Variants in GABRA3 observed in about 807,000 individuals in gnomAD.
GABRA3 encodes the protein gamma-aminobutyric acid receptor subunit alpha-3.
GABRA3 carries 10 observed loss-of-function variants against 30.1 expected under a neutral mutation model. The observed-to-expected ratio is 0.33, with a 90% CI of 0.20 to 0.56. GABRA3 has a LOEUF of 0.56. GABRA3 is among the 20% of genes least tolerant of loss of function. The pLI is 0.89. For missense variants in GABRA3, 233 were observed against 392.0 expected (o/e 0.59, Z 3.42); for synonymous variants, 151 against 146.8 (o/e 1.03, Z -0.21).
intron 1 of GABRA3, among the ~76,000 whole-genome samples, chrX:152,386,444 T>G (rs1929312698): frequency 9.0e-6 from 1 of 110,688 alleles, no homozygotes; most frequent in African/African-American, 3.3e-5. Context: ...CTCAAACAAA[T>G]TTACAAGAAA....
intron 3 of GABRA3, among the ~76,000 whole-genome samples, chrX:152,332,695 C>T (rs1940181665): frequency 8.9e-6 from 1 of 111,907 alleles, no homozygotes; most frequent in Non-Finnish European, 1.9e-5. Flanking sequence ...GGTCTGCCTG[C>T]CTGTAAAAGC....
intron 1 of GABRA3, among the ~76,000 whole-genome samples, chrX:152,365,590 C>A (rs1407480421): frequency 9.0e-6 from 1 of 111,433 alleles, no homozygotes; most frequent in Non-Finnish European, 1.9e-5. Context: ...TAACTCTGAC[C>A]CAACAACATA....
At chrX:152,333,693 T>C (rs1940194450) in intron 3 of GABRA3, among the ~76,000 whole-genome samples, 2 of 111,611 alleles carry the variant, frequency 1.8e-5, no homozygotes, top group Non-Finnish European at 1.9e-5. Context: ...TCTCAAGGCA[T>C]AGATCAAGCA....
At chrX:152,241,114 C>T (rs1485869876) in intron 5 of GABRA3, among the ~76,000 whole-genome samples, 3 of 105,997 alleles carry the variant, frequency 2.8e-5, no homozygotes, top group Admixed American at 1.0e-4. Flanking sequence ...CTGTTTTTTC[C>T]CCATCTTTGT....
intron 3 of GABRA3, among the ~76,000 whole-genome samples, chrX:152,318,759 CTT>C (rs1188145125): frequency 4.5e-5 from 5 of 111,464 alleles, no homozygotes; most frequent in African/African-American, 6.5e-5. Flanking sequence ...GAAAAAGTGT[CTT>C]TATTTATGCG....
intron 4 of GABRA3, among the ~76,000 whole-genome samples, chrX:152,277,487 C>T (rs994174350): frequency 9.0e-6 from 1 of 110,884 alleles, no homozygotes; most frequent in African/African-American, 3.3e-5. Context: ...CCCTGATTAT[C>T]CACTGTATAC....
chrX:152,446,544 C>T (rs1162733680), intron 1 of GABRA3, among the ~76,000 whole-genome samples: 1 of 108,418 alleles, frequency 9.2e-6, no homozygotes, highest in Non-Finnish European at 1.9e-5. Flanking sequence ...TCATTGTTCT[C>T]TCCCATATCC....
intron 1 of GABRA3, among the ~76,000 whole-genome samples, chrX:152,383,167 A>T (rs986719720): frequency 9.1e-6 from 1 of 109,307 alleles, no homozygotes; most frequent in Non-Finnish European, 1.9e-5. Context: ...CAGGCAGATC[A>T]TGAGGTCAGG....
chrX:152,278,240 C>A (rs1939125824), intron 4 of GABRA3, among the ~76,000 whole-genome samples: 1 of 107,941 alleles, frequency 9.3e-6, no homozygotes, highest in Admixed American at 1.0e-4. Flanking sequence ...GGTATATCTC[C>A]TAATGCTATC....
At chrX:152,318,247 C>T (rs74485531) in intron 3 of GABRA3, among the ~76,000 whole-genome samples, 2 of 110,998 alleles carry the variant, frequency 1.8e-5, no homozygotes, top group Admixed American at 9.6e-5. Flanking sequence ...AACATACAAC[C>T]CTCCTACCTT....
intron 5 of GABRA3, among the ~76,000 whole-genome samples, chrX:152,236,996 T>G (rs1428602902): frequency 9.3e-6 from 1 of 107,530 alleles, no homozygotes; most frequent in African/African-American, 3.4e-5. Context: ...GCTCTTTAGT[T>G]TAATTAGATC....
intron 5 of GABRA3, among the ~76,000 whole-genome samples, chrX:152,254,718 A>G (rs951072427): frequency 8.9e-6 from 1 of 111,829 alleles, no homozygotes; most frequent in Non-Finnish European, 1.9e-5. Flanking sequence ...TATACAGACA[A>G]ACACACTTCA....
At chrX:152,275,280 A>G (rs867107151) in intron 4 of GABRA3, among the ~76,000 whole-genome samples, 5 of 55,237 alleles carry the variant, frequency 9.1e-5, no homozygotes, top group Non-Finnish European at 1.1e-4. Context: ...ATATATATAA[A>G]TTATATATAA....
intron 9 of GABRA3, among the ~76,000 whole-genome samples, chrX:152,175,835 C>T (rs112691638): frequency 9.1e-6 from 1 of 110,482 alleles, no homozygotes; most frequent in Non-Finnish European, 1.9e-5. Flanking sequence ...GAGGCCAAGG[C>T]GGGCAGATCA....
chrX:152,267,692 T>C (rs1459188231), intron 4 of GABRA3, among the ~76,000 whole-genome samples: 1 of 111,916 alleles, frequency 8.9e-6, no homozygotes, highest in Non-Finnish European at 1.9e-5. Context: ...TCACTCATTA[T>C]TGGTTTATTG....
At chrX:152,291,089 T>C (rs1438826048) in intron 3 of GABRA3, among the ~76,000 whole-genome samples, 1 of 111,875 alleles carries the variant, frequency 8.9e-6, no homozygotes, top group Non-Finnish European at 1.9e-5. Context: ...GCATTGAATC[T>C]ATAAATTACC....
At chrX:152,191,336 C>T (rs1370535860) in intron 8 of GABRA3, among the ~76,000 whole-genome samples, 1 of 110,348 alleles carries the variant, frequency 9.1e-6, no homozygotes, top group Non-Finnish European at 1.9e-5. Flanking sequence ...GTTCTGAGTG[C>T]TCCCACTTAC....
chrX:152,279,190 C>T (rs1242247703), intron 4 of GABRA3, among the ~76,000 whole-genome samples: 1 of 111,721 alleles, frequency 9.0e-6, no homozygotes, highest in Non-Finnish European at 1.9e-5. Flanking sequence ...TTGCCCATGC[C>T]TATGTCCTGA....
chrX:152,371,698 C>T (rs929815714), intron 1 of GABRA3, among the ~76,000 whole-genome samples: 6 of 111,481 alleles, frequency 5.4e-5, no homozygotes, highest in African/African-American at 1.6e-4. Flanking sequence ...ACTTCCTCAA[C>T]AATCATTCCC....
Sources: allele counts gnomAD v4.1 joint callset (sites outside exome capture counted in the v4.1 genomes callset), GRCh38; gene constraint gnomAD v4.1.1; transcripts MANE v1.5; gene names NCBI Gene and HGNC (gene_info 2026-07-23, HGNC 2026-07-21).